The following CNBP variants were observed in gnomAD, a reference collection of about 807,000 sequenced individuals.
CNBP encodes CCHC-type zinc finger nucleic acid binding protein.
CNBP carries 6 observed loss-of-function variants against 21.2 expected under a neutral mutation model. That is an observed-to-expected ratio of 0.28 (90% confidence interval 0.16 to 0.56). CNBP has a LOEUF of 0.56. Ranked by LOEUF, CNBP falls within the 20% of genes least tolerant of loss-of-function variation. The pLI is 0.93. For missense variants in CNBP, 112 were observed against 233.1 expected, an observed-to-expected ratio of 0.48 and a Z score of 3.38; for synonymous variants, 61 against 74.9, an observed-to-expected ratio of 0.81 and a Z score of 0.96.
At chr3:129,176,429 G>A (rs1937912168) in intron 1 of CNBP, among the ~76,000 whole-genome samples, 1 of 152,154 alleles carries the variant, frequency 6.6e-6, no homozygotes, top group Admixed American at 6.5e-5. Context: ...ATTCCTTGAA[G>A]GTAGAGACCA....
Position 129,170,431 on chromosome 3 carries a change from G to C in CNBP, c.*22C>G. On this transcript the variant is annotated 3_prime_UTR_variant, in exon 5 of 5. Coordinates refer to ENST00000422453, the MANE Select transcript of CNBP (RefSeq NM_003418.5). ...TAATACAACCATCAATCAGAAAAAGGAGGGGCGACAAAGGAAAATAATTAG... is the reference window on the plus strand; with the variant it reads ...TAATACAACCATCAATCAGAAAAAGCAGGGGCGACAAAGGAAAATAATTAG... 6.3e-7 allele frequency: 1 copy of C among 1,578,928 alleles called. No individual in the cohort carries two copies. The highest frequency in any genetic ancestry group is 2.2e-5 in the East Asian group (1 of 44,714).
At position 129,171,169 on chromosome 3, in the gene CNBP, C is replaced by T. The variant is rs746824031; in HGVS notation, c.326G>A (p.Arg109His). The T allele has an allele frequency of 6.2e-7, 1 of 1,614,242 alleles. No individual in the cohort carries two copies. The highest frequency in any genetic ancestry group is 8.5e-7 in the Non-Finnish European group (1 of 1,180,050). The change falls in exon 4 of 5, where the codon CGT (arginine) becomes CAT (histidine). Residue 109 changes from arginine (R) to histidine (H), a missense_variant. Arg to His is a conservative substitution (Grantham distance 29, BLOSUM62 0). Coordinates refer to ENST00000422453, the MANE Select transcript of CNBP (RefSeq NM_003418.5). ...CTGCTCATCTGCATGGTCGCAGTCA[C>T]GAGCCAGATGGCCTGGTTTGCCACA... ...YNCGKPGHLA[R>H]DCDHADEQKC...
In CNBP at chr3:129,171,239, C is replaced by T; in HGVS notation, c.256G>A (p.Asp86Asn). The T allele has an allele frequency of 1.2e-6, 2 of 1,614,226 alleles. No individual in the cohort carries two copies. The highest frequency in any genetic ancestry group is 1.7e-6 in the Non-Finnish European group (2 of 1,180,042). The change falls in exon 4 of 5, where the codon GAC becomes AAC. Residue 86 changes from aspartate (D) to asparagine (N), a missense_variant. Asp to Asn is a conservative substitution (Grantham distance 23). Transcript: ENST00000422453. ...CGCTCTCTCTTGGGCTCCTTGCAGT[C>T]CTTGGCAATGTGGCCACCTCTACCG... ...NCGRGGHIAK[D>N]CKEPKREREQ...
chr3:129,181,239 C>CAAAAAAAAAAAAAAAAAAAA (rs10587328), intron 1 of CNBP, among the ~76,000 whole-genome samples: 6 of 53,176 alleles, frequency 1.1e-4, no homozygotes, highest in African/African-American at 5.0e-4. Context: ...GACTCTGTCT[C>CAAAAAAAAAAAAAAAAAAAA]AAAAAAAAAA....
rs902262334 is a variant in CNBP, at chr3:129,168,769, C to A, written c.*1684G>T. ...TGAGGTCAGGAGTTGGAGACCAGCC[C>A]GACCAACATGATGAAACCCAGTCTC... On this transcript the variant is annotated 3_prime_UTR_variant, in exon 5 of 5. Coordinates refer to ENST00000422453, the MANE Select transcript of CNBP (RefSeq NM_003418.5). Among the ~76,000 whole-genome samples, 2 of 151,364 alleles carry A rather than the reference C, an allele frequency of 1.3e-5. No homozygotes were observed. Among genetic ancestry groups the A allele is most frequent in the Admixed American group, 1.3e-4 (2 of 15,158 alleles).
chr3:129,172,584 GCAGGCAGGCAGGCAGGCAGGCAGA>G (rs1937604222), intron 1 of CNBP, among the ~76,000 whole-genome samples: 2 of 21,744 alleles, frequency 9.2e-5, no homozygotes, highest in South Asian at 1.9e-3. Flanking sequence ...AGACAGGCAG[GCAGGCAGGCAGGCAGGCAGGCAGA>G]CAGGCAGACA....
chr3:129,172,633 CAGGCAGGCAGGCAGG>C (rs1937613205), intron 1 of CNBP, among the ~76,000 whole-genome samples: 1 of 40,328 alleles, frequency 2.5e-5, no homozygotes, highest in African/African-American at 8.5e-5. Flanking sequence ...GCCAGGCAGG[CAGGCAGGCAGGCAGG>C]CAGGCAGGCA....
At chr3:129,178,166 A>AT (rs1414219756) in intron 1 of CNBP, among the ~76,000 whole-genome samples, 4 of 151,346 alleles carry the variant, frequency 2.6e-5, no homozygotes, top group African/African-American at 9.7e-5. Flanking sequence ...CTCAAAAAAA[A>AT]AAAAAAAAAA....
At chr3:129,171,421 TG>T in intron 3 of CNBP, 24 bp downstream of exon 3, 1 of 1,607,862 alleles carries the variant, frequency 6.2e-7, no homozygotes, top group South Asian at 1.1e-5. Flanking sequence ...TAGAGGGGTA[TG>T]AAAAGGAAGT....
intron 1 of CNBP, among the ~76,000 whole-genome samples, chr3:129,182,028 TA>T (rs111400181): frequency 0.013 from 1,903 of 151,854 alleles, 30 homozygotes; most frequent in African/African-American, 0.044. Context: ...TAAAACTATT[TA>T]GGAGGGGGGA....
In CNBP at chr3:129,168,159, G is replaced by C. The variant is rs565429431; in HGVS notation, c.*2294C>G. 5.3e-5 allele frequency among the ~76,000 whole-genome samples: 8 copies of C among 152,120 alleles called. No homozygotes were observed. Among genetic ancestry groups the C allele is most frequent in the Admixed American group, 1.3e-4 (2 of 15,268 alleles). ...TGCTAACCGCATTTAATTTCGAAGTGGGGGGAAACAGGGCATGGGGAGTGA... is the reference window on the plus strand; with the variant it reads ...TGCTAACCGCATTTAATTTCGAAGTCGGGGGAAACAGGGCATGGGGAGTGA... On this transcript the variant is annotated 3_prime_UTR_variant, in exon 5 of 5. Transcript: ENST00000422453.
At chr3:129,178,654 C>T (rs2107644930) in intron 1 of CNBP, among the ~76,000 whole-genome samples, 1 of 152,336 alleles carries the variant, frequency 6.6e-6, no homozygotes, top group African/African-American at 2.4e-5. Flanking sequence ...TTAGACCATA[C>T]TGGAGCTTTT....
At chr3:129,180,522 C>T (rs1165698467) in intron 1 of CNBP, among the ~76,000 whole-genome samples, 1 of 152,286 alleles carries the variant, frequency 6.6e-6, no homozygotes, top group African/African-American at 2.4e-5. Flanking sequence ...AATTTGGTGG[C>T]CTCAAGTTCT....
chr3:129,169,459 A>G lies in CNBP; in HGVS notation c.*994T>C. On this transcript the variant is annotated 3_prime_UTR_variant, in exon 5 of 5. Transcript: ENST00000422453. ...ATTATTGAAGACATGACTTAAGTAC[A>G]AAAAGAAAAGTCCAAACTGTCAGCT... 1 of 195,968 alleles carries G rather than the reference A, an allele frequency of 5.1e-6. No individual in the cohort carries two copies. Among genetic ancestry groups the G allele is most frequent in the East Asian group, 8.1e-5 (1 of 12,418 alleles). The allele number at this position is 195,968 out of a possible 1,614,324, so 12.1% of individuals were successfully genotyped here.
rs781421256 is a variant in CNBP, at chr3:129,170,586, A to T, written c.417-16T>A. On this transcript the variant is annotated splice_polypyrimidine_tract_variant and intron_variant, in intron 4 of 4. Coordinates refer to ENST00000422453, the MANE Select transcript of CNBP (RefSeq NM_003418.5). ...TTCACCACACCTAAAAAAGAAATTA[A>T]AAGTTTTCACAATGGGCCTCAGAAA... 1 of 1,607,668 alleles carries T rather than the reference A, an allele frequency of 6.2e-7. No homozygotes were observed. The highest frequency in any genetic ancestry group is 1.3e-5 in the African/African-American group (1 of 74,896).
At chr3:129,171,364 A>T in intron 3 of CNBP, 82 bp downstream of exon 3, 1 of 1,597,144 alleles carries the variant, frequency 6.3e-7, no homozygotes, top group Non-Finnish European at 8.6e-7. Flanking sequence ...AAAACCTCAA[A>T]GGTGGAAATG....
In CNBP at chr3:129,168,294, C is replaced by G. The variant is rs1446758116; in HGVS notation, c.*2159G>C. Among the ~76,000 whole-genome samples, 2 of 152,016 alleles carry G rather than the reference C, an allele frequency of 1.3e-5. No homozygotes were observed. Among genetic ancestry groups the G allele is most frequent in the East Asian group, 3.9e-4 (2 of 5,194 alleles). On this transcript the variant is annotated 3_prime_UTR_variant, in exon 5 of 5. Transcript: ENST00000422453. ...ATGAGTTTTAAGGTCCATCTCAACT[C>G]TAAATGAGACACTAGCAAAAACAAG...
intron 1 of CNBP, among the ~76,000 whole-genome samples, chr3:129,174,269 T>TCTG (rs1258883026): frequency 1.3e-5 from 2 of 149,018 alleles, no homozygotes; most frequent in Non-Finnish European, 3.0e-5. Flanking sequence ...TGCTTTGTAA[T>TCTG]CATTCTTTTA....
Position 129,172,608 on chromosome 3 carries a change from ACAGGCAGACAGGCAGCCAGG to A in CNBP, c.-14-857_-14-838del, listed in dbSNP as rs1344337750. Among the ~76,000 whole-genome samples, 168 of 31,696 alleles carry A rather than the reference ACAGGCAGACAGGCAGCCAGG, an allele frequency of 5.3e-3. No homozygotes were observed. Among genetic ancestry groups the A allele is most frequent in the Admixed American group, 0.045 (131 of 2,936 alleles). The allele number at this position is 31,696 out of a possible 152,430, so 20.8% of individuals were successfully genotyped here. A position where few individuals can be genotyped will look rare whatever the true frequency, so the allele number is the denominator to read the frequency against. On this transcript the variant is annotated intron_variant, in intron 1 of 4. Coordinates refer to ENST00000422453, the MANE Select transcript of CNBP (RefSeq NM_003418.5). The stretch of plus-strand genomic sequence containing the variant: ...GGCAGGCAGGCAGGCAGGCAGGCAG[ACAGGCAGACAGGCAGCCAGG>A]CAGGCAGGCAGGCAGGCAGGCAGGC...
Sources: allele counts gnomAD v4.1 joint callset (sites outside exome capture counted in the v4.1 genomes callset), GRCh38; gene constraint gnomAD v4.1.1; transcripts MANE v1.5; gene names NCBI Gene and HGNC (gene_info 2026-07-23, HGNC 2026-07-21).